CDH18: variants seen among roughly 807,000 people sequenced by gnomAD.
The protein encoded by CDH18 is cadherin-18.
CDH18 carries 31 observed loss-of-function variants against 67.9 expected under a neutral mutation model. The ratio of observed to expected loss-of-function variants is 0.46; its 90% confidence interval spans 0.34 to 0.62. The LOEUF (loss-of-function observed/expected upper bound fraction) is 0.62. Among genes scored for constraint, CDH18 ranks in the 20% least tolerant of loss-of-function variants. CDH18 has a pLI of 0.01. For missense variants in CDH18, 890 were observed against 975.5 expected (o/e 0.91, Z 1.17); for synonymous variants, 362 against 347.2 (o/e 1.04, Z -0.48).
intron 2 of CDH18, among the ~76,000 whole-genome samples, chr5:19,866,621 C>A (rs1268810950): frequency 1.3e-5 from 2 of 152,126 alleles, no homozygotes; most frequent in African/African-American, 2.4e-5. Context: ...TATTCTGGGG[C>A]AAGATTTCTC....
chr5:20,477,277 T>C (rs956213869), intron 1 of CDH18, among the ~76,000 whole-genome samples: 21 of 151,996 alleles, frequency 1.4e-4, no homozygotes, highest in Admixed American at 6.6e-5. Context: ...TCCTGCACGC[T>C]CAACTATCTA....
chr5:20,570,906 A>G (rs549816896), intron 1 of CDH18, among the ~76,000 whole-genome samples: 88 of 152,320 alleles, frequency 5.8e-4, no homozygotes, highest in African/African-American at 1.9e-3. Context: ...TAGGCCAAGG[A>G]GTAATTTTGT....
chr5:20,436,794 A>G (rs948290917), intron 1 of CDH18, among the ~76,000 whole-genome samples: 1 of 149,394 alleles, frequency 6.7e-6, no homozygotes, highest in Admixed American at 6.7e-5. Context: ...AGAATTTGAC[A>G]GATGCCAAAA....
chr5:19,677,616 G>T (rs1759678593), intron 5 of CDH18, among the ~76,000 whole-genome samples: 10 of 151,856 alleles, frequency 6.6e-5, no homozygotes. Flanking sequence ...GAACAGAGTG[G>T]CAAGTTGAAT....
chr5:20,380,779 G>A (rs575169292), intron 1 of CDH18, among the ~76,000 whole-genome samples: 1 of 152,176 alleles, frequency 6.6e-6, no homozygotes, highest in South Asian at 2.1e-4. Context: ...AATTAAAAAT[G>A]GAGTTAACAG....
chr5:20,201,891 G>T (rs1215174796), intron 2 of CDH18, among the ~76,000 whole-genome samples: 1 of 152,196 alleles, frequency 6.6e-6, no homozygotes, highest in Admixed American at 6.5e-5. Context: ...ATCTGCGAAA[G>T]CAGTCATCAG....
intron 2 of CDH18, among the ~76,000 whole-genome samples, chr5:19,938,467 T>C (rs1302794398): frequency 1.3e-5 from 2 of 151,478 alleles, no homozygotes; most frequent in Admixed American, 1.3e-4. Context: ...CCCAATAAGG[T>C]ACATACATTT....
At chr5:20,172,835 A>G (rs1736938800) in intron 2 of CDH18, among the ~76,000 whole-genome samples, 1 of 151,982 alleles carries the variant, frequency 6.6e-6, no homozygotes, top group South Asian at 2.1e-4. Context: ...TGCTAAAAAT[A>G]CAAAATTAGC....
At chr5:20,030,795 G>C (rs538654266) in intron 2 of CDH18, among the ~76,000 whole-genome samples, 1 of 152,028 alleles carries the variant, frequency 6.6e-6, no homozygotes, top group Non-Finnish European at 1.5e-5. Flanking sequence ...GAAAGAAAGT[G>C]GATTTTATAA....
intron 2 of CDH18, among the ~76,000 whole-genome samples, chr5:19,916,650 A>G (rs1791825333): frequency 2.0e-5 from 3 of 152,310 alleles, no homozygotes; most frequent in African/African-American, 7.2e-5. Context: ...CTCTGCAATA[A>G]TGCCTGAAAT....
At chr5:19,492,956 C>T (rs899157270) in intron 11 of CDH18, among the ~76,000 whole-genome samples, 5 of 152,130 alleles carry the variant, frequency 3.3e-5, no homozygotes, top group African/African-American at 1.2e-4. Context: ...TTAGTATGTT[C>T]TCATGAGTGA....
intron 1 of CDH18, among the ~76,000 whole-genome samples, chr5:20,479,145 A>T (rs541457515): frequency 6.6e-6 from 1 of 152,266 alleles, no homozygotes; most frequent in East Asian, 1.9e-4. Flanking sequence ...CCTAAGAAAG[A>T]TAGATACAAG....
intron 2 of CDH18, among the ~76,000 whole-genome samples, chr5:19,887,641 T>C (rs1253307943): frequency 6.6e-6 from 1 of 151,936 alleles, no homozygotes; most frequent in Non-Finnish European, 1.5e-5. Context: ...TGATCATATT[T>C]CACTGTAGCC....
chr5:19,583,226 G>T (rs6451334), intron 7 of CDH18, among the ~76,000 whole-genome samples: 86,688 of 151,738 alleles, frequency 0.57, 27,303 homozygotes, highest in South Asian at 0.75. Context: ...TTTTTGAAAA[G>T]TCTTATCCTA....
intron 2 of CDH18, among the ~76,000 whole-genome samples, chr5:20,223,057 GT>G (rs1465218493): frequency 1.3e-5 from 2 of 152,006 alleles, no homozygotes; most frequent in East Asian, 3.9e-4. Flanking sequence ...AAGGCTACAT[GT>G]TGCATAATAT....
At chr5:20,283,154 G>GA (rs34826825) in intron 1 of CDH18, among the ~76,000 whole-genome samples, 1 of 151,616 alleles carries the variant, frequency 6.6e-6, no homozygotes, top group Non-Finnish European at 1.5e-5. Context: ...AAAATTACTA[G>GA]AAAAAAAATA....
chr5:20,117,085 T>C (rs1747987293), intron 2 of CDH18, among the ~76,000 whole-genome samples: 1 of 152,002 alleles, frequency 6.6e-6, no homozygotes, highest in African/African-American at 2.4e-5. Flanking sequence ...CATGGTACCA[T>C]TGAAGAGAAT....
In CDH18 at chr5:19,944,592, CCTATTGCACTCAATATCATTGTTGAAAA is replaced by C. The variant is rs1348726693; in HGVS notation, c.-257+36440_-257+36467del. The stretch of plus-strand genomic sequence containing the variant: ...TTTTTGTAGTTCTTTCTGTCCTCTG[CCTATTGCACTCAATATCATTGTTGAAAA>C]TGAGCTACCTGTCTTATTAATATCA... On this transcript the variant is annotated intron_variant, in intron 2 of 12. Coordinates refer to ENST00000382275, the MANE Select transcript of CDH18 (RefSeq NM_004934.5). Among the ~76,000 whole-genome samples, 6 of 152,202 alleles carry C rather than the reference CCTATTGCACTCAATATCATTGTTGAAAA, an allele frequency of 3.9e-5. No individual in the cohort carries two copies. The South Asian group carries it at 1.0e-3, about 26-fold the overall frequency.
chr5:19,784,953 A>G (rs1045920727), intron 3 of CDH18, among the ~76,000 whole-genome samples: 6 of 152,132 alleles, frequency 3.9e-5, no homozygotes, highest in Non-Finnish European at 8.8e-5. Flanking sequence ...TCAACCAACT[A>G]TCAATGAGAA....
Sources: gnomAD v4.1 joint callset for allele counts (sites outside exome capture counted in the v4.1 genomes callset) on GRCh38, gnomAD v4.1.1 for gene constraint, MANE v1.5 for transcripts, NCBI Gene and HGNC (gene_info 2026-07-23, HGNC 2026-07-21) for gene names.